PLXNA1: variants seen among roughly 807,000 people sequenced by gnomAD.
The protein encoded by PLXNA1 is plexin-A1.
PLXNA1 carries 77 observed loss-of-function variants against 191.7 expected under a neutral mutation model. The ratio of observed to expected loss-of-function variants is 0.40; its 90% CI spans 0.33 to 0.49. PLXNA1 has a LOEUF of 0.49. Among genes scored for constraint, PLXNA1 ranks in the 20% least tolerant of loss-of-function variants. The probability of loss-of-function intolerance (pLI) is 0.63; values close to 1 mark genes in which losing one functional copy is unlikely to be tolerated. For synonymous variants in PLXNA1, 1,137 were observed against 1,156.4 expected (o/e 0.98, Z 0.34); for missense variants, 2,110 against 2,660.2 (o/e 0.79, Z 4.55).
intron 23 of PLXNA1, chr3:127,026,265 T>G (rs997696047): frequency 5.9e-5 from 9 of 152,348 alleles, no homozygotes; most frequent in East Asian, 1.9e-4. Flanking sequence ...GGGCGGGGCC[T>G]GCTGCCTGGG....
Position 127,028,329 on chromosome 3 carries a change from A to C in PLXNA1, c.4658A>C (p.Asp1553Ala), listed in dbSNP as rs1167702446. ...VPYSQRPKAADMDLEWRQGRM... is the reference protein window; with the variant it reads ...VPYSQRPKAAAMDLEWRQGRM... ...TACTCCCAGCGGCCCAAGGCCGCGG[A>C]CATGGACCTGGGTGAGCGGGCGGGG... Residue 1553 changes from aspartate (D) to alanine (A), a missense_variant, in exon 25 of 32, where the codon GAC (aspartate) becomes GCC (alanine). Coordinates refer to ENST00000393409, the MANE Select transcript of PLXNA1 (RefSeq NM_032242.4). The C allele has an allele frequency of 6.2e-7, 1 of 1,611,142 alleles. No individual in the cohort carries two copies. The highest frequency in any genetic ancestry group is 1.3e-5 in the African/African-American group (1 of 74,934).
chr3:127,010,157 A>G (rs2079088704), intron 9 of PLXNA1, among the ~76,000 whole-genome samples: 1 of 152,190 alleles, frequency 6.6e-6, no homozygotes, highest in African/African-American at 2.4e-5. Flanking sequence ...CAGGGAGACT[A>G]TGCACTGGGG....
chr3:127,002,103 G>T (rs2079043754), intron 3 of PLXNA1, among the ~76,000 whole-genome samples: 1 of 152,252 alleles, frequency 6.6e-6, no homozygotes, highest in Admixed American at 6.5e-5. Context: ...GTGCTGGGCG[G>T]CCGTGGCCTG....
At chr3:127,020,804 G>C (rs1484334722) in intron 21 of PLXNA1, among the ~76,000 whole-genome samples, 1 of 152,246 alleles carries the variant, frequency 6.6e-6, no homozygotes, top group African/African-American at 2.4e-5. Context: ...TCGCTGGGCA[G>C]GGGCCGTGTG....
At chr3:127,031,819 ACC>A (rs1297828472) in intron 29 of PLXNA1, 1 of 158,462 alleles carries the variant, frequency 6.3e-6, no homozygotes, top group East Asian at 1.9e-4. Context: ...AACATTCTAG[ACC>A]CGTGCTGTCC....
At chr3:127,015,641 A>T (rs976046880) in intron 15 of PLXNA1, among the ~76,000 whole-genome samples, 1 of 152,242 alleles carries the variant, frequency 6.6e-6, no homozygotes, top group Non-Finnish European at 1.5e-5. Flanking sequence ...GAGAAAACAG[A>T]AATCTTAACA....
At chr3:127,016,809 C>G (rs2079126040) in intron 16 of PLXNA1, 125 bp downstream of exon 16, 2 of 1,389,516 alleles carry the variant, frequency 1.4e-6, no homozygotes, top group Non-Finnish European at 2.0e-6. Context: ...CCGGGAAGCA[C>G]CCCTTGCCAA....
In PLXNA1 at chr3:127,017,589, C is replaced by A; in HGVS notation, c.3441C>A (p.Tyr1147Ter). The A allele has an allele frequency of 1.2e-6, 2 of 1,613,802 alleles. No individual in the cohort carries two copies. Among genetic ancestry groups the A allele is most frequent in the Non-Finnish European group, 1.7e-6 (2 of 1,180,024 alleles). ...LVLNSTSFLY[Y>*]PDPVLEPLSP... ...TCAACTCCACCTCCTTCCTCTACTA[C>A]CCTGACCCCGTACTGGAGCCACTCA... Residue 1147 changes from tyrosine (Y) to a stop codon, truncating the protein, a stop_gained, in exon 18 of 32, where the codon TAC (tyrosine) becomes TAA (stop). Transcript: ENST00000393409. LOFTEE classifies it high-confidence loss of function.
chr3:127,006,304 T>G, intron 8 of PLXNA1, 126 bp downstream of exon 8: 1 of 745,840 alleles, frequency 1.3e-6, no homozygotes, highest in Non-Finnish European at 2.3e-6. Context: ...AGATGGTGAT[T>G]CCATGATTGG....
intron 23 of PLXNA1, among the ~76,000 whole-genome samples, chr3:127,023,566 G>A (rs938041752): frequency 6.6e-6 from 1 of 152,156 alleles, no homozygotes; most frequent in African/African-American, 2.4e-5. Context: ...CCCAGTGATC[G>A]AGGGTGGGAG....
At chr3:126,996,808 C>T (rs928524454) in intron 3 of PLXNA1, among the ~76,000 whole-genome samples, 5 of 152,098 alleles carry the variant, frequency 3.3e-5, no homozygotes, top group African/African-American at 1.2e-4. Flanking sequence ...GCACTGTTGG[C>T]GTTCTTTGGG....
rs572423173 is a variant in PLXNA1 at position 126,991,126 on chromosome 3, C to T, written c.1195-258C>T. On this transcript the variant is annotated intron_variant, in intron 2 of 31. Coordinates refer to ENST00000393409, the MANE Select transcript of PLXNA1 (RefSeq NM_032242.4). ...AGGCCTGGCGGTGGAGCAGCGCCCC[C>T]TCCACACTGGCCCCCAGCTGCTCCG... is the stretch of plus-strand genomic sequence containing the variant. Among the ~76,000 whole-genome samples the T allele has an allele frequency of 1.4e-4, 22 of 152,356 alleles. 1 individual carries two copies. In the South Asian group the frequency reaches 4.6e-3, roughly 32 times the overall value.
chr3:127,016,143 GTGCGTGGGA>G (rs1202676466), intron 15 of PLXNA1, among the ~76,000 whole-genome samples: 8 of 152,044 alleles, frequency 5.3e-5, no homozygotes, highest in African/African-American at 1.9e-4. Context: ...CCAGCCTGGC[GTGCGTGGGA>G]CGGGCCTGCT....
Position 127,014,069 on chromosome 3 carries a change from T to TGAA in PLXNA1, c.2363_2364insGAA (p.Val788_Val789insAsn). The TGAA allele has an allele frequency of 6.2e-7, 1 of 1,613,952 alleles. No homozygotes were observed. The highest frequency in any genetic ancestry group is 8.5e-7 in the Non-Finnish European group (1 of 1,179,972). On this transcript the variant is annotated inframe_insertion, in exon 11 of 32. Coordinates refer to ENST00000393409, the MANE Select transcript of PLXNA1 (RefSeq NM_032242.4). ...AGCGACCTGCCAGTGAACCTGTCAGTCGTGTGGAACGGCAACTTTGTCATT... is the reference window on the plus strand; with the variant it reads ...AGCGACCTGCCAGTGAACCTGTCAGTGAACGTGTGGAACGGCAACTTTGTCATT...
intron 23 of PLXNA1, among the ~76,000 whole-genome samples, chr3:127,023,473 T>C (rs2079162092): frequency 6.6e-6 from 1 of 152,226 alleles, no homozygotes. Flanking sequence ...GAGCCCGGTG[T>C]GTGCATGGTG....
Position 126,989,418 on chromosome 3 carries a change from G to A in PLXNA1, c.825G>A (p.Glu275=), listed in dbSNP as rs1230795778. 1.2e-6 allele frequency: 2 copies of A among 1,613,482 alleles called. No homozygotes were observed. The highest frequency in any genetic ancestry group is 1.7e-6 in the Non-Finnish European group (2 of 1,180,060). Residue 275 remains glutamate, a synonymous_variant, in exon 2 of 32, where the codon GAG becomes GAA. Transcript: ENST00000393409. The stretch of plus-strand genomic sequence containing the variant: ...TGACCTCGCCTGATGCCGCCGGCGA[G>A]CACTTCTTCACGTCCAAGATCGTGC... The part of the protein sequence containing the change: ...TQLTSPDAAG[E]HFFTSKIVRL...
rs1332649427 is a variant in PLXNA1 at position 127,027,692 on chromosome 3, C to G, written c.4363-248C>G. ...TGTTCCTCGATACACTACTGCGCCT[C>G]CTGGCTCATGTGTAATTTAGGGTTT... On this transcript the variant is annotated intron_variant, in intron 23 of 31. Transcript: ENST00000393409. 5 of 662,788 alleles carry G rather than the reference C, an allele frequency of 7.5e-6. No individual in the cohort carries two copies. In the East Asian group the frequency reaches 1.5e-4, roughly 20 times the overall value. The allele number at this position is 662,788 out of a possible 1,614,324, so 41.1% of individuals were successfully genotyped here.
chr3:126,998,831 G>A (rs769011739), intron 3 of PLXNA1, among the ~76,000 whole-genome samples: 2 of 152,200 alleles, frequency 1.3e-5, no homozygotes, highest in Admixed American at 6.5e-5. Flanking sequence ...TGTGTGCTGG[G>A]GGTTGGGGGT....
At position 126,989,018 on chromosome 3, in the gene PLXNA1, G is replaced by C. The variant is rs770528389; in HGVS notation, c.425G>C (p.Arg142Pro). ...SASQGICQFL[R>P]LDDLFKLGEP... ...TCCCAGGGCATCTGCCAGTTCCTGC[G>C]TCTGGACGATCTCTTCAAACTGGGT... is the stretch of plus-strand genomic sequence containing the variant. Residue 142 changes from arginine to proline, a missense_variant, in exon 2 of 32, where the codon CGT becomes CCT. This residue lies in a region of PLXNA1 where 903 missense variants were observed against 1,015.7 expected (regional missense o/e 0.89). Transcript: ENST00000393409. 1.2e-6 allele frequency: 2 copies of C among 1,613,300 alleles called. No individual in the cohort carries two copies. The highest frequency in any genetic ancestry group is 1.7e-6 in the Non-Finnish European group (2 of 1,180,028).
Sources: allele counts gnomAD v4.1 joint callset (sites outside exome capture counted in the v4.1 genomes callset), GRCh38; gene constraint gnomAD v4.1.1; regional missense constraint gnomAD v4.1.1; transcripts MANE v1.5; gene names NCBI Gene and HGNC (gene_info 2026-07-23, HGNC 2026-07-21).